FAR2: variants seen among roughly 807,000 people sequenced by gnomAD.
FAR2 encodes the protein epididymis secretory protein Li 81.
In FAR2, 19 loss-of-function variants were observed where a neutral mutation model predicts 56.0. The ratio of observed to expected loss-of-function variants is 0.34; its 90% CI spans 0.24 to 0.50. The LOEUF is 0.50. Among genes scored for constraint, FAR2 ranks in the 20% least tolerant of loss-of-function variants. The probability of loss-of-function intolerance (pLI) is 0.98; values close to 1 mark genes in which losing one functional copy is unlikely to be tolerated. For synonymous variants in FAR2, 219 were observed against 218.8 expected (o/e 1.00, Z -0.01); for missense variants, 508 against 642.2 (o/e 0.79, Z 2.26).
chr12:29,228,918 A>G (rs952382249), intron 1 of FAR2, among the ~76,000 whole-genome samples: 1 of 152,178 alleles, frequency 6.6e-6, no homozygotes, highest in South Asian at 2.1e-4. Flanking sequence ...CAGAAGAAAA[A>G]CACGGAGACT....
At chr12:29,175,750 A>C (rs1433533233) in intron 1 of FAR2, among the ~76,000 whole-genome samples, 1 of 152,136 alleles carries the variant, frequency 6.6e-6, no homozygotes, top group East Asian at 1.9e-4. Flanking sequence ...GTGCGTTTAC[A>C]ATCCTTTAGC....
At chr12:29,232,124 G>A (rs1947868690) in intron 1 of FAR2, among the ~76,000 whole-genome samples, 1 of 152,110 alleles carries the variant, frequency 6.6e-6, no homozygotes, top group Non-Finnish European at 1.5e-5. Context: ...TAAGATGAGG[G>A]TCCCAAGACT....
At chr12:29,241,569 A>C (rs1275227235) in intron 1 of FAR2, among the ~76,000 whole-genome samples, 1 of 151,820 alleles carries the variant, frequency 6.6e-6, no homozygotes, top group Non-Finnish European at 1.5e-5. Context: ...TTATTCTCTC[A>C]CACTGAGGTG....
At chr12:29,199,987 G>C (rs1364773956) in intron 1 of FAR2, among the ~76,000 whole-genome samples, 4 of 152,134 alleles carry the variant, frequency 2.6e-5, no homozygotes, top group African/African-American at 9.7e-5. Context: ...TTAAGGCTCA[G>C]GAGAGAAGTA....
At chr12:29,214,292 C>T (rs1947592942) in intron 1 of FAR2, among the ~76,000 whole-genome samples, 1 of 152,150 alleles carries the variant, frequency 6.6e-6, no homozygotes, top group Non-Finnish European at 1.5e-5. Context: ...ATAAAGTAGG[C>T]CTTACTAGGA....
chr12:29,307,929 G>C lies in FAR2; in HGVS notation c.723+94G>C, dbSNP rs896423723. 2.2e-5 allele frequency: 29 copies of C among 1,322,508 alleles called. No homozygotes were observed. The African/African-American group carries it at 4.0e-4, about 18-fold the overall frequency. 81.9% of individuals were successfully genotyped at this position (1,322,508 alleles called of 1,614,324 possible). A position where few individuals can be genotyped will look rare whatever the true frequency, so the allele number is the denominator to read the frequency against. On this transcript the variant is annotated intron_variant, in intron 5 of 11. Transcript: ENST00000536681. ...GATGTCTTTCTTCTTCTCCTCCTCA[G>C]GATTTATAGCTAAGTGCAGCCAATC...
intron 1 of FAR2, among the ~76,000 whole-genome samples, chr12:29,181,386 G>T (rs886996303): frequency 6.6e-6 from 1 of 152,052 alleles, no homozygotes; most frequent in Non-Finnish European, 1.5e-5. Flanking sequence ...TTTTTTAGGA[G>T]AACATGTTCT....
intron 10 of FAR2, among the ~76,000 whole-genome samples, chr12:29,324,326 A>G (rs1474675074): frequency 8.5e-5 from 13 of 152,230 alleles, no homozygotes. Flanking sequence ...AACACTCTGC[A>G]GGGTATTATC....
chr12:29,194,013 ATGTTATTC>A (rs1452233765), intron 1 of FAR2, among the ~76,000 whole-genome samples: 1 of 152,194 alleles, frequency 6.6e-6, no homozygotes, highest in Non-Finnish European at 1.5e-5. Context: ...TACTAGAGAC[ATGTTATTC>A]TAAGTTATAA....
At chr12:29,331,027 G>C (rs527918856) in intron 10 of FAR2, among the ~76,000 whole-genome samples, 8 of 152,114 alleles carry the variant, frequency 5.3e-5, no homozygotes, top group African/African-American at 1.9e-4. Flanking sequence ...AGTATTTATT[G>C]AATGTCTACT....
At chr12:29,235,731 T>C (rs1161023601) in intron 1 of FAR2, among the ~76,000 whole-genome samples, 3 of 152,182 alleles carry the variant, frequency 2.0e-5, no homozygotes, top group Admixed American at 2.0e-4. Context: ...CATTGTGCTT[T>C]ATTTGAGGCT....
intron 10 of FAR2, among the ~76,000 whole-genome samples, chr12:29,327,186 C>T (rs1349933453): frequency 6.6e-6 from 1 of 152,074 alleles, no homozygotes; most frequent in Non-Finnish European, 1.5e-5. Context: ...CCTAGGAATC[C>T]AACTTACAAG....
intron 1 of FAR2, among the ~76,000 whole-genome samples, chr12:29,202,173 C>T (rs570407301): frequency 7.2e-5 from 11 of 151,950 alleles, no homozygotes; most frequent in Non-Finnish European, 1.6e-4. Context: ...TATGTTGTCA[C>T]CATCATTTTA....
At chr12:29,292,464 T>A (rs1020299958) in intron 2 of FAR2, 1 of 152,222 alleles carries the variant, frequency 6.6e-6, no homozygotes, top group African/African-American at 2.4e-5. Context: ...ATGTTTGTTG[T>A]ACAATTAACA....
At chr12:29,169,764 A>G (rs1377335379) in intron 1 of FAR2, among the ~76,000 whole-genome samples, 1 of 152,176 alleles carries the variant, frequency 6.6e-6, no homozygotes, top group African/African-American at 2.4e-5. Flanking sequence ...ATTTCTTGCA[A>G]ACTGTCTGAG....
intron 10 of FAR2, chr12:29,331,796 A>T (rs1949735401): frequency 6.6e-6 from 1 of 152,116 alleles, no homozygotes; most frequent in Non-Finnish European, 1.5e-5. Context: ...ATCATTTTCA[A>T]AGTACACAAA....
intron 1 of FAR2, among the ~76,000 whole-genome samples, chr12:29,227,169 T>C (rs1947782665): frequency 6.6e-6 from 1 of 152,206 alleles, no homozygotes; most frequent in Admixed American, 6.5e-5. Context: ...CCTATAATTG[T>C]TATATTTATG....
intron 1 of FAR2, among the ~76,000 whole-genome samples, chr12:29,216,421 G>A (rs577182296): frequency 6.6e-6 from 1 of 152,176 alleles, no homozygotes; most frequent in African/African-American, 2.4e-5. Flanking sequence ...AGTTGATGGG[G>A]ATTGGGGATC....
chr12:29,249,652 G>A (rs377752722), intron 1 of FAR2, among the ~76,000 whole-genome samples: 1 of 152,082 alleles, frequency 6.6e-6, no homozygotes, highest in South Asian at 2.1e-4. Flanking sequence ...TTAGAATGTG[G>A]CCTGAACTGG....
Sources: gnomAD v4.1 joint callset for allele counts (sites outside exome capture counted in the v4.1 genomes callset) on GRCh38, gnomAD v4.1.1 for gene constraint, MANE v1.5 for transcripts, NCBI Gene and HGNC (gene_info 2026-07-23, HGNC 2026-07-21) for gene names.